The following TMEM71 variants were observed in gnomAD, a reference collection of about 807,000 sequenced individuals.
TMEM71 encodes the protein transmembrane protein 71.
TMEM71 carries 44 observed loss-of-function variants against 38.0 expected under a neutral mutation model. The observed-to-expected ratio is 1.16, with a 90% CI of 0.91 to 1.49. TMEM71 has a LOEUF of 1.49. Among genes scored for constraint, TMEM71 ranks in the 40% most tolerant of loss-of-function variants. TMEM71 has a pLI of 0.00. For missense variants in TMEM71, 367 were observed against 348.6 expected, an observed-to-expected ratio of 1.05 and a Z score of -0.42; for synonymous variants, 133 against 122.5, an observed-to-expected ratio of 1.09 and a Z score of -0.56.
chr8:132,730,240 G>C (rs961338614), intron 5 of TMEM71, among the ~76,000 whole-genome samples: 1 of 152,166 alleles, frequency 6.6e-6, no homozygotes, highest in Non-Finnish European at 1.5e-5. Flanking sequence ...TTACAGGCAT[G>C]AGTCACCATG....
chr8:132,762,390 ATCTT>A (rs1378993545), upstream of TMEM71, among the ~76,000 whole-genome samples: 1 of 151,686 alleles, frequency 6.6e-6, no homozygotes, highest in African/African-American at 2.4e-5. Flanking sequence ...AGGGAGGAAA[ATCTT>A]TCTGACTTAT....
the TMEM71 span, among the ~76,000 whole-genome samples, chr8:132,772,603 A>G: frequency 1.3e-5 from 2 of 152,190 alleles, no homozygotes; most frequent in Non-Finnish European, 2.9e-5. Flanking sequence ...CCTTCCTTTT[A>G]GAGTCAATAT....
chr8:132,732,893 C>T (rs981480771), intron 5 of TMEM71, among the ~76,000 whole-genome samples: 1 of 152,152 alleles, frequency 6.6e-6, no homozygotes, highest in African/African-American at 2.4e-5. Flanking sequence ...CACAACAAGA[C>T]ATTACCTGCC....
the TMEM71 span, chr8:132,775,428 G>A: frequency 2.6e-6 from 1 of 386,168 alleles, no homozygotes; most frequent in Non-Finnish European, 4.5e-6. Flanking sequence ...CGGCGGCGAT[G>A]GCAGCGGACC....
the TMEM71 span, among the ~76,000 whole-genome samples, chr8:132,775,979 A>G: frequency 6.6e-6 from 1 of 151,862 alleles, no homozygotes; most frequent in African/African-American, 2.4e-5. Context: ...ATTGCTTTAC[A>G]TTGTCGGTCT....
rs759807621 is a variant in TMEM71 at position 132,757,244 on chromosome 8, T to G, written c.91A>C (p.Ile31Leu). The change falls in exon 3 of 10, where the codon ATT (isoleucine) becomes CTT (leucine). Residue 31 changes from isoleucine to leucine, a missense_variant. Physicochemically the swap from Ile to Leu is conservative, Grantham distance 5. Transcript: ENST00000677595. ...EYAGELSPTC[I>L]FPSFTCDSLD... ...AGCCCCATAGTATACCTTGGGAAAA[T>G]GCACGTGGGAGACAGCTCTCCAGCA... is the stretch of plus-strand genomic sequence containing the variant. 9.3e-6 allele frequency: 15 copies of G among 1,610,238 alleles called. No homozygotes were observed. Among genetic ancestry groups the G allele is most frequent in the Non-Finnish European group, 1.2e-5 (14 of 1,177,384 alleles).
At chr8:132,774,712 T>G in the TMEM71 span, among the ~76,000 whole-genome samples, 1 of 152,224 alleles carries the variant, frequency 6.6e-6, no homozygotes, top group Non-Finnish European at 1.5e-5. Context: ...TTAGTAAAGT[T>G]TGGGAGGGTA....
At chr8:132,745,502 G>A (rs1056318942) in intron 5 of TMEM71, among the ~76,000 whole-genome samples, 2 of 152,020 alleles carry the variant, frequency 1.3e-5, no homozygotes, top group South Asian at 2.1e-4. Context: ...TCAGAATGGC[G>A]ACTATTAAAA....
At chr8:132,736,233 A>G (rs1827737498) in intron 5 of TMEM71, among the ~76,000 whole-genome samples, 1 of 152,312 alleles carries the variant, frequency 6.6e-6, no homozygotes, top group Non-Finnish European at 1.5e-5. Flanking sequence ...ACACCTTAGA[A>G]AACATTGCTT....
At chr8:132,727,719 A>T in intron 6 of TMEM71, 79 bp downstream of exon 6, 1 of 1,303,500 alleles carries the variant, frequency 7.7e-7, no homozygotes, top group Non-Finnish European at 1.1e-6. Flanking sequence ...ACTGCATTTT[A>T]GTCATCTCCA....
chr8:132,708,894 G>A (rs376785307), downstream of TMEM71, among the ~76,000 whole-genome samples: 16 of 152,158 alleles, frequency 1.1e-4, no homozygotes, highest in African/African-American at 3.9e-4. Context: ...GGGAATGCAA[G>A]CAGTCTCTAG....
At chr8:132,716,445 A>G (rs148301950) in intron 7 of TMEM71, among the ~76,000 whole-genome samples, 4 of 152,208 alleles carry the variant, frequency 2.6e-5, no homozygotes, top group Admixed American at 6.5e-5. Flanking sequence ...TAAAAAAGCT[A>G]CTCAGACCAG....
chr8:132,726,853 TC>T lies in TMEM71; in HGVS notation c.676+944del, dbSNP rs763914451. Among the ~76,000 whole-genome samples the T allele has an allele frequency of 8.1e-4, 122 of 150,290 alleles. 1 individual carries two copies. Among genetic ancestry groups the T allele is most frequent in the East Asian group, 3.1e-3 (16 of 5,132 alleles). ...TTTTGTTGTTTCCTCTTCTTCTTCT[TC>T]TTTTTTTTTTTTTTGGAGTCTTACT... is the stretch of plus-strand genomic sequence containing the variant. On this transcript the variant is annotated intron_variant, in intron 6 of 9. Coordinates refer to ENST00000677595, the MANE Select transcript of TMEM71 (RefSeq NM_001382403.1).
At chr8:132,728,737 T>G in intron 5 of TMEM71, among the ~76,000 whole-genome samples, 1 of 152,238 alleles carries the variant, frequency 6.6e-6, no homozygotes, top group East Asian at 1.9e-4. Context: ...TACTTCTGAT[T>G]CATTTATTCA....
downstream of TMEM71, among the ~76,000 whole-genome samples, chr8:132,708,163 A>G (rs144197336): frequency 0.012 from 1,813 of 152,280 alleles, 36 homozygotes; most frequent in African/African-American, 0.041. Flanking sequence ...CCGCTGCTAG[A>G]CTACAATAAC....
At chr8:132,766,536 A>T in the TMEM71 span, among the ~76,000 whole-genome samples, 1 of 152,170 alleles carries the variant, frequency 6.6e-6, no homozygotes, top group African/African-American at 2.4e-5. Context: ...ACGGTGGCTT[A>T]TGCCTACAAT....
intron 5 of TMEM71, among the ~76,000 whole-genome samples, chr8:132,728,719 A>G (rs1464096147): frequency 6.6e-6 from 1 of 152,082 alleles, no homozygotes; most frequent in East Asian, 1.9e-4. Context: ...ACAGCAGTCA[A>G]CTCTTTCTAC....
chr8:132,706,454 A>T (rs1563738488), downstream of TMEM71, among the ~76,000 whole-genome samples: 1 of 152,180 alleles, frequency 6.6e-6, no homozygotes, highest in Admixed American at 6.5e-5. Context: ...TTAAATTTTT[A>T]AAGTTGAGTT....
At chr8:132,775,047 G>A in the TMEM71 span, among the ~76,000 whole-genome samples, 5 of 152,248 alleles carry the variant, frequency 3.3e-5, no homozygotes, top group Non-Finnish European at 7.3e-5. Context: ...AAGAAAGCAT[G>A]TAATGCATTT....
Sources: gnomAD v4.1 joint callset for allele counts (sites outside exome capture counted in the v4.1 genomes callset) on GRCh38, gnomAD v4.1.1 for gene constraint, MANE v1.5 for transcripts, NCBI Gene and HGNC (gene_info 2026-07-23, HGNC 2026-07-21) for gene names.